LARP1B: variants seen among roughly 807,000 people sequenced by gnomAD.
LARP1B encodes La ribonucleoprotein 1B.
In LARP1B, 76 loss-of-function variants were observed where a neutral mutation model predicts 114.2. That is an observed-to-expected ratio of 0.67 (90% CI 0.55 to 0.81). The LOEUF (loss-of-function observed/expected upper bound fraction) is 0.81. Among genes scored for constraint, LARP1B ranks in the 30% least tolerant of loss-of-function variants. LARP1B has a pLI of 0.00. For missense variants in LARP1B, 1,014 were observed against 1,075.8 expected (o/e 0.94, Z 0.80); for synonymous variants, 345 against 348.0 (o/e 0.99, Z 0.10).
At chr4:128,192,716 C>T (rs1752655810) in intron 15 of LARP1B, among the ~76,000 whole-genome samples, 1 of 152,190 alleles carries the variant, frequency 6.6e-6, no homozygotes, top group Admixed American at 6.5e-5. Flanking sequence ...CAGCTTTATA[C>T]ATTTTAACGT....
At chr4:128,179,988 AAATT>A (rs1362852072) in intron 15 of LARP1B, among the ~76,000 whole-genome samples, 2 of 152,172 alleles carry the variant, frequency 1.3e-5, no homozygotes, top group African/African-American at 4.8e-5. Context: ...AGAAAGAAGA[AAATT>A]AATTAAAAAA....
intron 15 of LARP1B, among the ~76,000 whole-genome samples, chr4:128,184,731 A>G (rs982699559): frequency 6.6e-6 from 1 of 152,066 alleles, no homozygotes; most frequent in Non-Finnish European, 1.5e-5. Context: ...ACTGCTTTTC[A>G]CCGCCCTTCC....
At chr4:128,066,134 G>C (rs1039574123) in intron 1 of LARP1B, among the ~76,000 whole-genome samples, 2 of 148,550 alleles carry the variant, frequency 1.3e-5, no homozygotes, top group Admixed American at 1.4e-4. Flanking sequence ...CCTGCCTGGC[G>C]GCTTTCTATT....
intron 10 of LARP1B, among the ~76,000 whole-genome samples, chr4:128,116,421 G>C (rs1785851864): frequency 6.6e-6 from 1 of 152,114 alleles, no homozygotes; most frequent in African/African-American, 2.4e-5. Context: ...CAAAGTAAAA[G>C]TTCACTAAAA....
Position 128,211,587 on chromosome 4 carries a change from C to CA in LARP1B, c.*1538dup. 2 of 947,362 alleles carry CA rather than the reference C, an allele frequency of 2.1e-6. No homozygotes were observed. Among genetic ancestry groups the CA allele is most frequent in the South Asian group, 4.9e-5 (1 of 20,462 alleles). 58.7% of individuals were successfully genotyped at this position (947,362 alleles called of 1,614,324 possible). A position where few individuals can be genotyped will look rare whatever the true frequency, so the allele number is the denominator to read the frequency against. On this transcript the variant is annotated 3_prime_UTR_variant, in exon 20 of 20. Transcript: ENST00000326639. ...ATTTAGATATATTGTAAAGAGGGTG[C>CA]AAAACAAGCAATGGGTTAGAATAAT...
In LARP1B at chr4:128,203,827, C is replaced by T. The variant is rs561044053; in HGVS notation, c.2310-2601C>T. ...TAGAGGGTTTACAAATATCTATTTT[C>T]GAAAAATAGGATCTAATTGACTCAA... On this transcript the variant is annotated intron_variant, in intron 17 of 19. Coordinates refer to ENST00000326639, the MANE Select transcript of LARP1B (RefSeq NM_018078.4). Among the ~76,000 whole-genome samples the T allele has an allele frequency of 7.2e-5, 11 of 152,270 alleles. No individual in the cohort carries two copies. The South Asian group carries it at 1.5e-3, about 20-fold the overall frequency.
rs1160868253 is a variant in LARP1B at position 128,123,767 on chromosome 4, C to T, written c.1524+1579C>T. ...TTCTGTGGGAAATGTTTTCAGTCTG[C>T]CAAGTAACAAATTTGTAAGCCAACT... is the stretch of plus-strand genomic sequence containing the variant. On this transcript the variant is annotated intron_variant, in intron 11 of 19. Transcript: ENST00000326639. 5.4e-6 allele frequency: 5 copies of T among 934,132 alleles called. No homozygotes were observed. The South Asian group carries it at 2.0e-4, about 37-fold the overall frequency. The allele number at this position is 934,132 out of a possible 1,614,324, so 57.9% of individuals were successfully genotyped here.
At chr4:128,063,003 TA>T (rs1283396411) in intron 1 of LARP1B, among the ~76,000 whole-genome samples, 3 of 152,162 alleles carry the variant, frequency 2.0e-5, no homozygotes. Context: ...GCACGTTAGG[TA>T]AATGGTTTTC....
rs567016209 is a variant in LARP1B, at chr4:128,176,713, G to A, written c.1649-159G>A. ...TTATGTATGGTAGGCACTAGTATTC[G>A]ATGCAGTTGTGGTAGTTGCTTTCTG... is the stretch of plus-strand genomic sequence containing the variant. On this transcript the variant is annotated intron_variant, in intron 12 of 19. Coordinates refer to ENST00000326639, the MANE Select transcript of LARP1B (RefSeq NM_018078.4). 8.5e-5 allele frequency among the ~76,000 whole-genome samples: 13 copies of A among 152,252 alleles called. No homozygotes were observed. The East Asian group carries it at 2.3e-3, about 27-fold the overall frequency.
At chr4:128,126,303 T>C (rs1789594727) in intron 11 of LARP1B, among the ~76,000 whole-genome samples, 1 of 151,640 alleles carries the variant, frequency 6.6e-6, no homozygotes, top group South Asian at 2.1e-4. Flanking sequence ...TTATGTTTTT[T>C]GTAGAGATGG....
downstream of LARP1B, among the ~76,000 whole-genome samples, chr4:128,214,216 A>T (rs1391893097): frequency 7.0e-6 from 1 of 143,676 alleles, no homozygotes; most frequent in Non-Finnish European, 1.5e-5. Flanking sequence ...GGTGGCAACG[A>T]GGCTGGTGGA....
chr4:128,157,706 G>T (rs1236020355), intron 11 of LARP1B, among the ~76,000 whole-genome samples: 2 of 152,114 alleles, frequency 1.3e-5, no homozygotes, highest in Admixed American at 6.5e-5. Flanking sequence ...TAGTGTTCAA[G>T]AATTAAGGTA....
intron 12 of LARP1B, among the ~76,000 whole-genome samples, chr4:128,162,579 A>G (rs928450365): frequency 5.3e-5 from 8 of 152,080 alleles, no homozygotes; most frequent in African/African-American, 9.7e-5. Context: ...GATTGCTGGG[A>G]ATGTTTCTCT....
rs577954476 is a variant in LARP1B, at chr4:128,115,890, C to T, written c.1161+1148C>T. Among the ~76,000 whole-genome samples, 7 of 152,310 alleles carry T rather than the reference C, an allele frequency of 4.6e-5. No homozygotes were observed. The East Asian group carries it at 1.4e-3, about 29-fold the overall frequency. Reference sequence around the variant, plus strand: ...TCCAGGCTGGTCTCAAACTCCTGTCCTCAAATAATTTGGCTGCCTTGGCCT... The same window carrying T: ...TCCAGGCTGGTCTCAAACTCCTGTCTTCAAATAATTTGGCTGCCTTGGCCT... On this transcript the variant is annotated intron_variant, in intron 10 of 19. Coordinates refer to ENST00000326639, the MANE Select transcript of LARP1B (RefSeq NM_018078.4).
Position 128,210,737 on chromosome 4 carries a change from C to T in LARP1B, c.*684C>T. On this transcript the variant is annotated 3_prime_UTR_variant, in exon 20 of 20. Transcript: ENST00000326639. ...CCCCAGTCATATCTCATGATTTCCA[C>T]AGTTGTTGTATTGGTGTGGAGTTTT... is the stretch of plus-strand genomic sequence containing the variant. 2 of 985,296 alleles carry T rather than the reference C, an allele frequency of 2.0e-6. No homozygotes were observed. The highest frequency in any genetic ancestry group is 2.4e-6 in the Non-Finnish European group (2 of 829,876). The allele number at this position is 985,296 out of a possible 1,614,324, so 61.0% of individuals were successfully genotyped here. A position where few individuals can be genotyped will look rare whatever the true frequency, so the allele number is the denominator to read the frequency against.
chr4:128,154,070 G>C (rs2150350616), intron 11 of LARP1B, among the ~76,000 whole-genome samples: 1 of 152,216 alleles, frequency 6.6e-6, no homozygotes, highest in Admixed American at 6.5e-5. Flanking sequence ...ACTCTTGTCA[G>C]AGTAGTCTTT....
chr4:128,118,232 ATTTTTTT>A (rs771418969), intron 10 of LARP1B, among the ~76,000 whole-genome samples: 9 of 93,522 alleles, frequency 9.6e-5, no homozygotes, highest in Non-Finnish European at 1.4e-4. Flanking sequence ...AGTCAGGTCT[ATTTTTTT>A]TTTTTTTTTT....
chr4:128,141,092 G>C (rs2150211231), intron 11 of LARP1B, among the ~76,000 whole-genome samples: 1 of 152,218 alleles, frequency 6.6e-6, no homozygotes, highest in South Asian at 2.1e-4. Context: ...GGGATTACAG[G>C]CATGAGCCAC....
At chr4:128,068,304 C>T (rs1763853359) in intron 1 of LARP1B, among the ~76,000 whole-genome samples, 1 of 151,368 alleles carries the variant, frequency 6.6e-6, no homozygotes, top group South Asian at 2.1e-4. Context: ...AGACATGAGC[C>T]ACCACACCCG....
Sources: gnomAD v4.1 joint callset for allele counts (sites outside exome capture counted in the v4.1 genomes callset) on GRCh38, gnomAD v4.1.1 for gene constraint, MANE v1.5 for transcripts, NCBI Gene and HGNC (gene_info 2026-07-23, HGNC 2026-07-21) for gene names.